Variants in FBXL17 observed in about 807,000 individuals in gnomAD.
FBXL17 encodes F-box/LRR-repeat protein 17.
FBXL17 carries 22 observed loss-of-function variants against 66.2 expected under a neutral mutation model. The observed-to-expected ratio is 0.33, with a 90% CI of 0.24 to 0.47. The LOEUF is 0.47. Ranked by LOEUF, FBXL17 falls within the 20% of genes least tolerant of loss-of-function variation. The pLI is 1.00. For synonymous variants in FBXL17, 474 were observed against 400.5 expected (o/e 1.18, Z -2.19); for missense variants, 878 against 948.2 (o/e 0.93, Z 0.97).
intron 7 of FBXL17, among the ~76,000 whole-genome samples, chr5:107,894,998 C>G (rs935371992): frequency 6.6e-6 from 1 of 152,028 alleles, no homozygotes; most frequent in African/African-American, 2.4e-5. Context: ...GCAGGCACTT[C>G]TCCCTTTTCC....
At chr5:107,926,306 A>G (rs1291248797) in intron 7 of FBXL17, among the ~76,000 whole-genome samples, 6 of 152,142 alleles carry the variant, frequency 3.9e-5, no homozygotes, top group African/African-American at 9.6e-5. Flanking sequence ...TCTCAATGAT[A>G]GAGATGAGGA....
intron 7 of FBXL17, among the ~76,000 whole-genome samples, chr5:107,894,857 T>A (rs78565988): frequency 0.034 from 5,125 of 152,144 alleles, 261 homozygotes; most frequent in African/African-American, 0.12. Flanking sequence ...TAATAATTTT[T>A]AAAAGAATTT....
intron 7 of FBXL17, among the ~76,000 whole-genome samples, chr5:108,002,477 A>G (rs1263263677): frequency 6.6e-6 from 1 of 152,206 alleles, no homozygotes; most frequent in Non-Finnish European, 1.5e-5. Context: ...CCGACTTAGT[A>G]AGAAAGTAAG....
intron 1 of FBXL17, among the ~76,000 whole-genome samples, chr5:108,375,807 C>G (rs1749383882): frequency 6.6e-6 from 1 of 152,018 alleles, no homozygotes; most frequent in Non-Finnish European, 1.5e-5. Context: ...CAAAGCCAGG[C>G]AAAGAAATCT....
At chr5:107,902,059 G>A (rs986237028) in intron 7 of FBXL17, among the ~76,000 whole-genome samples, 3 of 152,190 alleles carry the variant, frequency 2.0e-5, no homozygotes, top group Non-Finnish European at 2.9e-5. Context: ...GAAAAACACC[G>A]TGTAGAGGAA....
chr5:108,186,285 A>G, intron 5 of FBXL17, 38 bp from the exon 6 acceptor site: 1 of 1,581,954 alleles, frequency 6.3e-7, no homozygotes, highest in Non-Finnish European at 8.7e-7. Context: ...AAAAAGGTAA[A>G]TGCTACATTC....
At chr5:108,020,727 T>C (rs992222359) in intron 7 of FBXL17, 198 bp downstream of exon 7, 7 of 458,196 alleles carry the variant, frequency 1.5e-5, no homozygotes, top group African/African-American at 1.2e-4. Flanking sequence ...CATGTGGCAA[T>C]GAAGTAATAT....
In FBXL17 at chr5:108,180,106, T is replaced by C. The variant is rs530318287; in HGVS notation, c.1745+6011A>G. Reference sequence around the variant, plus strand: ...AATTTTTAAAGTGCTGGCAACTAATTCAAAATTTTTAAATACTGTATATGC... The same window carrying C: ...AATTTTTAAAGTGCTGGCAACTAATCCAAAATTTTTAAATACTGTATATGC... On this transcript the variant is annotated intron_variant, in intron 6 of 8. Coordinates refer to ENST00000542267, the MANE Select transcript of FBXL17 (RefSeq NM_001163315.3). Among the ~76,000 whole-genome samples, 16 of 152,292 alleles carry C rather than the reference T, an allele frequency of 1.1e-4. No individual in the cohort carries two copies. The East Asian group carries it at 2.9e-3, about 28-fold the overall frequency.
chr5:108,096,369 G>C (rs942321216), intron 6 of FBXL17, among the ~76,000 whole-genome samples: 1 of 152,140 alleles, frequency 6.6e-6, no homozygotes, highest in Non-Finnish European at 1.5e-5. Context: ...CACATAGGAC[G>C]ATCTTAGTGT....
chr5:107,967,642 G>A (rs1389028876), intron 7 of FBXL17, among the ~76,000 whole-genome samples: 2 of 151,044 alleles, frequency 1.3e-5, no homozygotes, highest in African/African-American at 4.9e-5. Context: ...TAACAAACCT[G>A]CACATTATGC....
Position 108,324,238 on chromosome 5 carries a change from G to A in FBXL17, c.1506+24161C>T, listed in dbSNP as rs1372193925. Among the ~76,000 whole-genome samples the A allele has an allele frequency of 3.9e-5, 6 of 152,002 alleles. No homozygotes were observed. In the East Asian group the frequency reaches 9.7e-4, roughly 24 times the overall value. ...CAAAGAACTCCTACAACTCAACAATGAAATAACCCAATTTTAAAATGAGTA... is the reference window on the plus strand; with the variant it reads ...CAAAGAACTCCTACAACTCAACAATAAAATAACCCAATTTTAAAATGAGTA... On this transcript the variant is annotated intron_variant, in intron 4 of 8. Coordinates refer to ENST00000542267, the MANE Select transcript of FBXL17 (RefSeq NM_001163315.3).
chr5:108,160,874 A>G (rs908847536), intron 6 of FBXL17, among the ~76,000 whole-genome samples: 1 of 152,114 alleles, frequency 6.6e-6, no homozygotes, highest in African/African-American at 2.4e-5. Flanking sequence ...CTTATTGGAA[A>G]GTTAGCTGCC....
intron 6 of FBXL17, among the ~76,000 whole-genome samples, chr5:108,131,390 A>G (rs1750924977): frequency 6.6e-6 from 1 of 152,188 alleles, no homozygotes; most frequent in South Asian, 2.1e-4. Context: ...AGAGACCTCC[A>G]GAGTCCTCAT....
chr5:108,186,954 T>C (rs574935210), intron 5 of FBXL17, among the ~76,000 whole-genome samples: 1 of 152,178 alleles, frequency 6.6e-6, no homozygotes, highest in Non-Finnish European at 1.5e-5. Context: ...CATTTCTGTA[T>C]AGATTTTTTT....
chr5:108,293,439 T>C (rs943779252), intron 4 of FBXL17, among the ~76,000 whole-genome samples: 1 of 152,182 alleles, frequency 6.6e-6, no homozygotes, highest in African/African-American at 2.4e-5. Flanking sequence ...GAAAATAATA[T>C]TGGAATACTT....
chr5:107,900,504 C>T (rs1336609948), intron 7 of FBXL17, among the ~76,000 whole-genome samples: 2 of 152,140 alleles, frequency 1.3e-5, no homozygotes, highest in Non-Finnish European at 2.9e-5. Context: ...CAGAATTTAA[C>T]ATTTTAGTTC....
At chr5:107,976,784 A>T (rs909052816) in intron 7 of FBXL17, among the ~76,000 whole-genome samples, 2 of 152,240 alleles carry the variant, frequency 1.3e-5, no homozygotes, top group South Asian at 4.1e-4. Flanking sequence ...TATATAACAG[A>T]CTTCAATATA....
At chr5:108,081,418 T>G (rs566090513) in intron 6 of FBXL17, among the ~76,000 whole-genome samples, 18 of 152,224 alleles carry the variant, frequency 1.2e-4, no homozygotes, top group African/African-American at 4.3e-4. Flanking sequence ...TAAGACTGCT[T>G]CTTCTAAGAT....
chr5:108,085,681 T>C (rs1015386778), intron 6 of FBXL17, among the ~76,000 whole-genome samples: 8 of 152,114 alleles, frequency 5.3e-5, no homozygotes, highest in African/African-American at 1.9e-4. Context: ...ATGCCTGTAA[T>C]CCAAGCACAC....
Sources: gnomAD v4.1 joint callset for allele counts (sites outside exome capture counted in the v4.1 genomes callset) on GRCh38, gnomAD v4.1.1 for gene constraint, MANE v1.5 for transcripts, NCBI Gene and HGNC (gene_info 2026-07-23, HGNC 2026-07-21) for gene names.